NPY2R: variants seen among roughly 807,000 people sequenced by gnomAD.
NPY2R encodes neuropeptide Y receptor Y2.
In NPY2R, 17 loss-of-function variants were observed where a neutral mutation model predicts 22.3. That is an observed-to-expected ratio of 0.76 (90% confidence interval 0.52 to 1.14). The LOEUF (loss-of-function observed/expected upper bound fraction) is 1.14, where lower values mean the gene tolerates loss of function less well. Among genes scored for constraint, NPY2R ranks in the 50% most tolerant of loss-of-function variants. The pLI, the probability that NPY2R is intolerant of heterozygous loss-of-function variation, is 0.00. For missense variants in NPY2R, 424 were observed against 467.9 expected (o/e 0.91, Z 0.87); for synonymous variants, 209 against 183.4 (o/e 1.14, Z -1.13).
At chr4:155,185,451 T>A in the NPY2R span, among the ~76,000 whole-genome samples, 2 of 152,180 alleles carry the variant, frequency 1.3e-5, no homozygotes, top group African/African-American at 4.8e-5. Flanking sequence ...CTGTAGTCCC[T>A]GAAAAATTTA....
At chr4:155,209,621 A>G (rs921921900) in intron 1 of NPY2R, among the ~76,000 whole-genome samples, 4 of 152,204 alleles carry the variant, frequency 2.6e-5, no homozygotes, top group African/African-American at 9.6e-5. Flanking sequence ...AATATTTTCA[A>G]CTTTCTACTG....
upstream of NPY2R, among the ~76,000 whole-genome samples, chr4:155,205,615 A>G (rs922190789): frequency 4.6e-5 from 7 of 152,188 alleles, no homozygotes; most frequent in Non-Finnish European, 7.3e-5. Flanking sequence ...CCAGAAATGG[A>G]AAAGAAAATT....
upstream of NPY2R, among the ~76,000 whole-genome samples, chr4:155,204,287 T>C (rs1367744633): frequency 7.2e-5 from 11 of 151,990 alleles, no homozygotes; most frequent in African/African-American, 2.4e-4. Flanking sequence ...TCTCTTGTGC[T>C]TTTTTTTCCT....
At position 155,214,901 on chromosome 4, in the gene NPY2R, A is replaced by G. The variant is rs1460063214; in HGVS notation, c.962A>G (p.Asn321Ser). 1.2e-6 allele frequency: 2 copies of G among 1,613,094 alleles called. No homozygotes were observed. Among genetic ancestry groups the G allele is most frequent in the East Asian group, 4.5e-5 (2 of 44,850 alleles). Residue 321 changes from asparagine to serine, a missense_variant, in exon 2 of 2, where the codon AAT becomes AGT. Coordinates refer to ENST00000329476, the MANE Select transcript of NPY2R (RefSeq NM_000910.4). ...HIIAMCSTFANPLLYGWMNSN... is the reference protein window; with the variant it reads ...HIIAMCSTFASPLLYGWMNSN... ...ATCGCCATGTGCTCCACTTTTGCCAATCCCCTTCTCTATGGCTGGATGAAC... is the reference window on the plus strand; with the variant it reads ...ATCGCCATGTGCTCCACTTTTGCCAGTCCCCTTCTCTATGGCTGGATGAAC...
the NPY2R span, among the ~76,000 whole-genome samples, chr4:155,180,013 GTTT>G: frequency 1.6e-4 from 24 of 146,358 alleles, no homozygotes; most frequent in East Asian, 1.6e-3. Context: ...ATTTTATTTT[GTTT>G]TTTTTTTTTC....
the NPY2R span, among the ~76,000 whole-genome samples, chr4:155,189,605 T>C: frequency 6.6e-6 from 1 of 151,986 alleles, no homozygotes; most frequent in East Asian, 1.9e-4. Context: ...TTATAAGTTA[T>C]ATATCTATTG....
chr4:155,195,285 G>A, the NPY2R span, among the ~76,000 whole-genome samples: 23 of 151,548 alleles, frequency 1.5e-4, no homozygotes, highest in African/African-American at 5.1e-4. Context: ...TTATTTATTG[G>A]CATATTTGCA....
In NPY2R at chr4:155,216,743, A is replaced by C. The variant is rs777153718; in HGVS notation, c.*1658A>C. ...GTAAGACTTTAAGAAGCGAACAAAA[A>C]GTAATGTATATCTGTAATATATAAT... On this transcript the variant is annotated 3_prime_UTR_variant, in exon 2 of 2. Transcript: ENST00000329476. The C allele has an allele frequency of 9.0e-5, 15 of 167,214 alleles. No homozygotes were observed. Among genetic ancestry groups the C allele is most frequent in the South Asian group, 2.1e-4 (1 of 4,826 alleles). The allele number at this position is 167,214 out of a possible 1,614,324, so 10.4% of individuals were successfully genotyped here.
the NPY2R span, among the ~76,000 whole-genome samples, chr4:155,195,166 TAAAG>T: frequency 6.6e-6 from 1 of 151,998 alleles, no homozygotes; most frequent in Non-Finnish European, 1.5e-5. Context: ...CAACAGGAAA[TAAAG>T]AACTCTGCAG....
At chr4:155,213,292 A>T (rs1187409409) in intron 1 of NPY2R, among the ~76,000 whole-genome samples, 1 of 152,218 alleles carries the variant, frequency 6.6e-6, no homozygotes, top group Non-Finnish European at 1.5e-5. Flanking sequence ...ATTAAATTTT[A>T]AAAAAGTAAC....
the NPY2R span, among the ~76,000 whole-genome samples, chr4:155,187,605 A>G: frequency 1.3e-5 from 2 of 152,166 alleles, no homozygotes; most frequent in Admixed American, 6.6e-5. Context: ...AATTGGCTTC[A>G]TTAAGTGAAT....
At chr4:155,212,166 T>A (rs1578900197) in intron 1 of NPY2R, among the ~76,000 whole-genome samples, 1 of 152,158 alleles carries the variant, frequency 6.6e-6, no homozygotes, top group Non-Finnish European at 1.5e-5. Context: ...TAGATGCTAT[T>A]AATTACAAAC....
the NPY2R span, among the ~76,000 whole-genome samples, chr4:155,179,153 A>G: frequency 6.6e-6 from 1 of 152,100 alleles, no homozygotes; most frequent in Non-Finnish European, 1.5e-5. Context: ...AATGTTTCCA[A>G]TGACAACCCT....
rs1286262687 is a variant in NPY2R at position 155,214,109 on chromosome 4, A to G, written c.170A>G (p.Tyr57Cys). The change falls in exon 2 of 2, where the codon TAC becomes TGC. Residue 57 changes from tyrosine to cysteine, a missense_variant. Tyr to Cys is a radical substitution (Grantham distance 194, BLOSUM62 -2). Transcript: ENST00000329476. Reference sequence around the variant, plus strand: ...GTACAAGTTGTTCTCATATTGGCCTACTGCTCCATCATCTTGCTTGGGGTA... The same window carrying G: ...GTACAAGTTGTTCTCATATTGGCCTGCTGCTCCATCATCTTGCTTGGGGTA... ...IEVQVVLILA[Y>C]CSIILLGVIG... 1 of 1,613,900 alleles carries G rather than the reference A, an allele frequency of 6.2e-7. No individual in the cohort carries two copies. The highest frequency in any genetic ancestry group is 8.5e-7 in the Non-Finnish European group (1 of 1,179,876).
At position 155,214,184 on chromosome 4, in the gene NPY2R, G is replaced by T; in HGVS notation, c.245G>T (p.Arg82Leu). Residue 82 changes from arginine to leucine, a missense_variant, in exon 2 of 2, where the codon CGC becomes CTC. Coordinates refer to ENST00000329476, the MANE Select transcript of NPY2R (RefSeq NM_000910.4). ...GTGGTGATCAAATTCAAGAGCATGCGCACAGTAACCAACTTTTTCATTGCC... is the reference window on the plus strand; with the variant it reads ...GTGGTGATCAAATTCAAGAGCATGCTCACAGTAACCAACTTTTTCATTGCC... ...IHVVIKFKSM[R>L]TVTNFFIANL... 1 of 1,613,960 alleles carries T rather than the reference G, an allele frequency of 6.2e-7. No homozygotes were observed.
the NPY2R span, chr4:155,173,723 G>A: frequency 3.3e-5 from 5 of 150,882 alleles, no homozygotes; most frequent in South Asian, 2.1e-4. Flanking sequence ...TAAAGATTAC[G>A]TATTGAGGAA....
the NPY2R span, among the ~76,000 whole-genome samples, chr4:155,175,287 T>C: frequency 0.039 from 5,876 of 152,244 alleles, 382 homozygotes; most frequent in African/African-American, 0.13. Context: ...GAAGTATTTG[T>C]AAATACACAG....
chr4:155,196,137 A>G, the NPY2R span, among the ~76,000 whole-genome samples: 3 of 151,986 alleles, frequency 2.0e-5, no homozygotes, highest in Admixed American at 1.3e-4. Context: ...ATGGAACTAA[A>G]CCAAAATTAC....
At chr4:155,202,928 A>T in the NPY2R span, among the ~76,000 whole-genome samples, 2 of 152,138 alleles carry the variant, frequency 1.3e-5, no homozygotes, top group Non-Finnish European at 2.9e-5. Context: ...TAATCAAATG[A>T]AAATTTGCAT....
Sources: allele counts gnomAD v4.1 joint callset (sites outside exome capture counted in the v4.1 genomes callset), GRCh38; gene constraint gnomAD v4.1.1; transcripts MANE v1.5; gene names NCBI Gene and HGNC (gene_info 2026-07-23, HGNC 2026-07-21).